Variants in ABCB5 observed in about 807,000 individuals in gnomAD.
ABCB5 encodes the protein ATP binding cassette subfamily B member 5.
A neutral mutation model predicts 144.2 loss-of-function variants in ABCB5; 155 were observed. The observed-to-expected ratio is 1.08, with a 90% CI of 0.94 to 1.23. The LOEUF is 1.23. Among genes scored for constraint, ABCB5 ranks in the 50% most tolerant of loss-of-function variants. ABCB5 has a pLI of 0.00. For missense variants in ABCB5, 1,830 were observed against 1,520.8 expected, an observed-to-expected ratio of 1.20 and a Z score of -3.38; for synonymous variants, 610 against 528.6, an observed-to-expected ratio of 1.15 and a Z score of -2.11.
intron 13 of ABCB5, among the ~76,000 whole-genome samples, chr7:20,655,616 G>C (rs1348850528): frequency 6.6e-6 from 1 of 152,116 alleles, no homozygotes; most frequent in Non-Finnish European, 1.5e-5. Flanking sequence ...AGACGTGCAA[G>C]TCTTCTAGTA....
intron 23 of ABCB5, among the ~76,000 whole-genome samples, chr7:20,735,801 T>C (rs1368886066): frequency 6.6e-6 from 1 of 152,212 alleles, no homozygotes; most frequent in Non-Finnish European, 1.5e-5. Context: ...CAGCTCACGT[T>C]CCAACCCTAC....
chr7:20,676,603 C>A (rs1785621223), intron 14 of ABCB5, among the ~76,000 whole-genome samples: 1 of 152,102 alleles, frequency 6.6e-6, no homozygotes, highest in Non-Finnish European at 1.5e-5. Context: ...GGGAGAGAAA[C>A]AGGGAATTGC....
intron 5 of ABCB5, among the ~76,000 whole-genome samples, chr7:20,639,101 C>G (rs73276599): frequency 0.041 from 6,142 of 151,502 alleles, 389 homozygotes; most frequent in African/African-American, 0.14. Context: ...TTGCATTTCC[C>G]TAGTGACTAA....
chr7:20,710,381 A>AGG (rs1554287104), intron 20 of ABCB5, among the ~76,000 whole-genome samples: 1 of 56,728 alleles, frequency 1.8e-5, no homozygotes, highest in Non-Finnish European at 3.1e-5. Flanking sequence ...AAAAAAAAAA[A>AGG]GTGGGGGGGG....
At chr7:20,626,854 GGTGTGTGTGTGT>G (rs370537783) in intron 3 of ABCB5, among the ~76,000 whole-genome samples, 2 of 143,752 alleles carry the variant, frequency 1.4e-5, no homozygotes, top group Non-Finnish European at 3.0e-5. Context: ...GTGTTTTTGG[GGTGTGTGTGTGT>G]GTGTGTGTGT....
chr7:20,686,568 T>C (rs1285542231), intron 16 of ABCB5, among the ~76,000 whole-genome samples: 1 of 152,134 alleles, frequency 6.6e-6, no homozygotes, highest in Non-Finnish European at 1.5e-5. Flanking sequence ...CCTTAACCCA[T>C]GCTTCTCCCA....
chr7:20,697,625 A>C (rs943025783), intron 16 of ABCB5, among the ~76,000 whole-genome samples: 2 of 152,192 alleles, frequency 1.3e-5, no homozygotes, highest in Non-Finnish European at 2.9e-5. Flanking sequence ...GCAGACCCAG[A>C]ATGACTACTT....
chr7:20,645,684 G>A lies in ABCB5; in HGVS notation c.679-72G>A, dbSNP rs954689214. On this transcript the variant is annotated intron_variant, in intron 7 of 27. Coordinates refer to ENST00000404938, the MANE Select transcript of ABCB5 (RefSeq NM_001163941.2). The stretch of plus-strand genomic sequence containing the variant: ...TTAGTCTACTTAGAATTCAAATTCT[G>A]CCTGACTTAAATGTTCAGAACATTA... 22 of 1,536,404 alleles carry A rather than the reference G, an allele frequency of 1.4e-5. No individual in the cohort carries two copies. In the Admixed American group the frequency reaches 1.6e-4, roughly 11 times the overall value.
chr7:20,708,690 T>A (rs1418382896), intron 20 of ABCB5, among the ~76,000 whole-genome samples: 7 of 152,154 alleles, frequency 4.6e-5, no homozygotes, highest in Non-Finnish European at 8.8e-5. Context: ...ACTGGTCCAA[T>A]AATGCATGAT....
intron 11 of ABCB5, among the ~76,000 whole-genome samples, chr7:20,648,958 G>A (rs1016123104): frequency 6.6e-6 from 1 of 152,178 alleles, no homozygotes; most frequent in Admixed American, 6.6e-5. Flanking sequence ...TTTTGCAACT[G>A]TATTTGGATT....
chr7:20,657,678 A>G (rs751966373), intron 13 of ABCB5, among the ~76,000 whole-genome samples: 2 of 152,192 alleles, frequency 1.3e-5, no homozygotes, highest in African/African-American at 4.8e-5. Flanking sequence ...AATGTTCTAT[A>G]TCTTTATTGG....
intron 7 of ABCB5, among the ~76,000 whole-genome samples, 156 bp downstream of exon 7, chr7:20,643,788 T>A (rs1473314776): frequency 6.6e-6 from 1 of 152,244 alleles, no homozygotes; most frequent in Middle Eastern, 3.2e-3. Flanking sequence ...TTGTTCACCA[T>A]TAATCCCCTT....
rs1371908797 is a variant in ABCB5, at chr7:20,703,093, G to A, written c.2338-1631G>A. On this transcript the variant is annotated intron_variant, in intron 19 of 27. Coordinates refer to ENST00000404938, the MANE Select transcript of ABCB5 (RefSeq NM_001163941.2). ...ACCTATTCATGGTGTTTTACAGCGA[G>A]TTACTATAGAATCAGGAATGTAATA... 2.0e-5 allele frequency among the ~76,000 whole-genome samples: 3 copies of A among 152,076 alleles called. No individual in the cohort carries two copies. The East Asian group carries it at 5.8e-4, about 29-fold the overall frequency.
At chr7:20,712,831 T>C (rs1057018697) in intron 20 of ABCB5, among the ~76,000 whole-genome samples, 1 of 149,860 alleles carries the variant, frequency 6.7e-6, no homozygotes, top group Non-Finnish European at 1.5e-5. Flanking sequence ...GTTTTATATA[T>C]GTAGTCATTA....
intron 3 of ABCB5, among the ~76,000 whole-genome samples, chr7:20,627,053 T>C (rs1035694811): frequency 6.6e-6 from 1 of 152,192 alleles, no homozygotes; most frequent in Non-Finnish European, 1.5e-5. Flanking sequence ...CAAAAATAAT[T>C]ATCTAAGAAT....
rs142066250 is a variant in ABCB5 at position 20,667,244 on chromosome 7, C to T, written c.1707+8568C>T. 3.7e-4 allele frequency: 365 copies of T among 976,750 alleles called. 1 individual carries two copies. In the African/African-American group the frequency reaches 5.9e-3, roughly 16 times the overall value. The allele number at this position is 976,750 out of a possible 1,614,324, so 60.5% of individuals were successfully genotyped here. The stretch of plus-strand genomic sequence containing the variant: ...CTTAATCAAATATTTATAGTTTAGG[C>T]CAGGAGCCTGGCAAAGTAAAGATGA... On this transcript the variant is annotated intron_variant, in intron 14 of 27. Coordinates refer to ENST00000404938, the MANE Select transcript of ABCB5 (RefSeq NM_001163941.2).
intron 19 of ABCB5, among the ~76,000 whole-genome samples, chr7:20,703,936 G>C (rs960521115): frequency 6.6e-6 from 1 of 152,084 alleles, no homozygotes; most frequent in East Asian, 1.9e-4. Context: ...ATTGCTGTAA[G>C]TTCTAGGAGG....
chr7:20,740,024 G>A (rs992120551), intron 24 of ABCB5, among the ~76,000 whole-genome samples: 1 of 152,112 alleles, frequency 6.6e-6, no homozygotes, highest in African/African-American at 2.4e-5. Context: ...GAGGTCAGGA[G>A]ATCGAGTCCA....
At chr7:20,734,694 T>C (rs1445344384) in intron 23 of ABCB5, among the ~76,000 whole-genome samples, 1 of 152,012 alleles carries the variant, frequency 6.6e-6, no homozygotes, top group Non-Finnish European at 1.5e-5. Flanking sequence ...GTAGAAGCCG[T>C]CTCTATTTCT....
Sources: gnomAD v4.1 joint callset for allele counts (sites outside exome capture counted in the v4.1 genomes callset) on GRCh38, gnomAD v4.1.1 for gene constraint, MANE v1.5 for transcripts, NCBI Gene and HGNC (gene_info 2026-07-23, HGNC 2026-07-21) for gene names.